The following MPRIP variants were observed in gnomAD, a reference collection of about 807,000 sequenced individuals.
The protein encoded by MPRIP is myosin phosphatase Rho-interacting protein.
A neutral mutation model predicts 234.9 loss-of-function variants in MPRIP; 59 were observed. The observed-to-expected ratio is 0.25, with a 90% CI of 0.20 to 0.31. MPRIP has a LOEUF of 0.31. Among genes scored for constraint, MPRIP ranks in the 10% least tolerant of loss-of-function variants. The probability of loss-of-function intolerance (pLI) is 1.00; values close to 1 mark genes in which losing one functional copy is unlikely to be tolerated. For missense variants in MPRIP, 2,436 were observed against 3,071.0 expected, an observed-to-expected ratio of 0.79 and a Z score of 4.89; for synonymous variants, 1,144 against 1,263.9, an observed-to-expected ratio of 0.91 and a Z score of 2.01.
chr17:17,052,818 G>A (rs866558593), intron 1 of MPRIP, among the ~76,000 whole-genome samples: 25 of 152,216 alleles, frequency 1.6e-4, no homozygotes, highest in African/African-American at 3.9e-4. Context: ...TTTTTCCTCT[G>A]AAAGAGGAAT....
chr17:17,181,399 G>C (rs561910809), intron 23 of MPRIP: 28 of 152,548 alleles, frequency 1.8e-4, no homozygotes, highest in African/African-American at 6.5e-4. Context: ...CCTTTCTCAG[G>C]CACACCCACA....
intron 9 of MPRIP, 62 bp downstream of exon 9, chr17:17,143,731 GCT>G (rs1385348656): frequency 1.7e-6 from 2 of 1,169,822 alleles, no homozygotes; most frequent in Non-Finnish European, 2.4e-6. Context: ...ACTCTGAGGC[GCT>G]GTCTGTTTCT....
chr17:17,143,803 C>A, intron 9 of MPRIP, 134 bp downstream of exon 9: 1 of 476,418 alleles, frequency 2.1e-6, no homozygotes, highest in Non-Finnish European at 3.6e-6. Context: ...GTGAGCACCC[C>A]CACCCACCGA....
intron 3 of MPRIP, among the ~76,000 whole-genome samples, chr17:17,102,036 AT>A (rs916730970): frequency 3.0e-4 from 44 of 147,000 alleles, no homozygotes; most frequent in South Asian, 8.6e-4. Context: ...TCCTATCTTC[AT>A]TTTTTTTTTT....
chr17:17,154,514 C>T, intron 13 of MPRIP, 99 bp downstream of exon 13: 1 of 917,126 alleles, frequency 1.1e-6, no homozygotes, highest in Non-Finnish European at 1.8e-6. Context: ...GAGACCTGAG[C>T]TCAGTGCATC....
At chr17:17,071,734 C>G (rs1273136374) in intron 1 of MPRIP, among the ~76,000 whole-genome samples, 1 of 152,138 alleles carries the variant, frequency 6.6e-6, no homozygotes, top group African/African-American at 2.4e-5. Flanking sequence ...TCGGGGGAGT[C>G]TCTCATGTGG....
chr17:17,044,873 TG>T (rs1256259887), intron 1 of MPRIP, among the ~76,000 whole-genome samples: 11 of 152,318 alleles, frequency 7.2e-5, no homozygotes, highest in African/African-American at 2.4e-4. Flanking sequence ...ACAACTGGAA[TG>T]GTAGTTTCTG....
intron 3 of MPRIP, among the ~76,000 whole-genome samples, chr17:17,122,682 G>C (rs4321246): frequency 0.13 from 19,831 of 152,200 alleles, 1,844 homozygotes; most frequent in East Asian, 0.3. Context: ...CAGGTCCTCA[G>C]TACGTACCTG....
At chr17:17,096,973 G>A in intron 3 of MPRIP, 1 of 352,868 alleles carries the variant, frequency 2.8e-6, no homozygotes. Context: ...ACTGAGACAG[G>A]CACACGTGCC....
rs1279309961 is a variant in MPRIP, at chr17:17,042,986, C to T, written c.123+15C>T. 3.1e-6 allele frequency: 5 copies of T among 1,607,496 alleles called. No homozygotes were observed. The highest frequency in any genetic ancestry group is 4.2e-6 in the Non-Finnish European group (5 of 1,176,674). On this transcript the variant is annotated intron_variant, in intron 1 of 23. Coordinates refer to ENST00000651222, the MANE Select transcript of MPRIP (RefSeq NM_001364716.4). ...ACCTGACGCAGGTGAGCGACTGGGGCCGGCCCGGACACCTCCGTTCTGGGA... is the reference window on the plus strand; with the variant it reads ...ACCTGACGCAGGTGAGCGACTGGGGTCGGCCCGGACACCTCCGTTCTGGGA...
intron 12 of MPRIP, among the ~76,000 whole-genome samples, chr17:17,150,590 C>T (rs1169958911): frequency 6.6e-6 from 1 of 151,660 alleles, no homozygotes; most frequent in East Asian, 1.9e-4. Context: ...TATTTACATC[C>T]GCTTTTTACT....
intron 7 of MPRIP, chr17:17,141,953 G>A (rs1262469647): frequency 6.6e-6 from 1 of 152,322 alleles, no homozygotes; most frequent in Non-Finnish European, 1.5e-5. Context: ...ACCATTATTT[G>A]ATTTGAAAAA....
At position 17,186,948 on chromosome 17, in the gene MPRIP, C is replaced by G. The variant is rs1453749477; in HGVS notation, c.*2054C>G. On this transcript the variant is annotated 3_prime_UTR_variant, in exon 24 of 24. Transcript: ENST00000651222. ...GATCTGACCAGATAGGAGTTTTTGC[C>G]TCGTGTCTGGGTGCTACGATTTTGT... 1 of 152,212 alleles carries G rather than the reference C, an allele frequency of 6.6e-6. No homozygotes were observed. The highest frequency in any genetic ancestry group is 2.4e-5 in the African/African-American group (1 of 41,450). 9.4% of individuals were successfully genotyped at this position (152,212 alleles called of 1,614,324 possible).
chr17:17,046,332 G>C (rs2088350381), intron 1 of MPRIP, among the ~76,000 whole-genome samples: 1 of 152,178 alleles, frequency 6.6e-6, no homozygotes, highest in Non-Finnish European at 1.5e-5. Context: ...GTTACATACA[G>C]TGAATGTTTC....
At chr17:17,082,913 T>C (rs1027828428) in intron 3 of MPRIP, among the ~76,000 whole-genome samples, 8 of 152,234 alleles carry the variant, frequency 5.3e-5, no homozygotes, top group African/African-American at 1.9e-4. Flanking sequence ...TCCTGAAAGA[T>C]CATCCTGGTT....
chr17:17,059,150 C>A (rs953376143), intron 1 of MPRIP, among the ~76,000 whole-genome samples: 1 of 152,172 alleles, frequency 6.6e-6, no homozygotes, highest in African/African-American at 2.4e-5. Flanking sequence ...AATAACTTTT[C>A]TAAGACAAAA....
intron 13 of MPRIP, among the ~76,000 whole-genome samples, chr17:17,156,201 T>TGCCTGTGCCTGCACAC (rs1440616781): frequency 5.3e-5 from 8 of 152,228 alleles, no homozygotes; most frequent in African/African-American, 1.9e-4. Flanking sequence ...CCTGTGCACA[T>TGCCTGTGCCTGCACAC]GCCTGTGCCT....
At chr17:17,140,635 C>T (rs1175497168) in intron 7 of MPRIP, among the ~76,000 whole-genome samples, 1 of 152,200 alleles carries the variant, frequency 6.6e-6, no homozygotes, top group East Asian at 1.9e-4. Flanking sequence ...CTGCTGGGAC[C>T]ACAGGGTTGG....
rs934902337 is a variant in MPRIP, at chr17:17,154,247, G to A, written c.1720-59G>A. 13 of 1,465,420 alleles carry A rather than the reference G, an allele frequency of 8.9e-6. No individual in the cohort carries two copies. The African/African-American group carries it at 1.4e-4, about 16-fold the overall frequency. The allele number at this position is 1,465,420 out of a possible 1,614,324, so 90.8% of individuals were successfully genotyped here. ...CAGTGCAGGGAGCTTCTTTGGAGAT[G>A]GAGGGCAGCAGGCACCCTAGGGGAC... On this transcript the variant is annotated intron_variant, in intron 12 of 23. Transcript: ENST00000651222.
Sources: allele counts gnomAD v4.1 joint callset (sites outside exome capture counted in the v4.1 genomes callset), GRCh38; gene constraint gnomAD v4.1.1; transcripts MANE v1.5; gene names NCBI Gene and HGNC (gene_info 2026-07-23, HGNC 2026-07-21).